THSD7B: variants seen among roughly 807,000 people sequenced by gnomAD.
THSD7B encodes thrombospondin type 1 domain containing 7B, also known as thrombospondin type-1 domain-containing protein 7B.
A neutral mutation model predicts 213.6 loss-of-function variants in THSD7B; 138 were observed. That is an observed-to-expected ratio of 0.65 (90% CI 0.56 to 0.74). The LOEUF is 0.74. Among genes scored for constraint, THSD7B ranks in the 30% least tolerant of loss-of-function variants. The pLI is 0.00. For synonymous variants in THSD7B, 742 were observed against 687.0 expected (o/e 1.08, Z -1.25); for missense variants, 1,931 against 1,991.5 (o/e 0.97, Z 0.58).
chr2:137,397,172 T>G (rs1334475976), intron 12 of THSD7B, among the ~76,000 whole-genome samples: 1 of 151,906 alleles, frequency 6.6e-6, no homozygotes, highest in African/African-American at 2.4e-5. Context: ...ACATTTAAAG[T>G]TAATATTGTT....
At chr2:137,637,670 T>G (rs990861948) in intron 20 of THSD7B, among the ~76,000 whole-genome samples, 1 of 152,254 alleles carries the variant, frequency 6.6e-6, no homozygotes, top group African/African-American at 2.4e-5. Context: ...CATTTTTTTC[T>G]TTTGCATTTA....
chr2:137,049,857 A>AT (rs1454764281), intron 2 of THSD7B, among the ~76,000 whole-genome samples: 3 of 152,184 alleles, frequency 2.0e-5, no homozygotes, highest in African/African-American at 4.8e-5. Context: ...TAATGCTGAG[A>AT]TTTTTTGGCC....
chr2:137,404,864 G>A (rs1573606178), intron 12 of THSD7B, among the ~76,000 whole-genome samples: 1 of 151,852 alleles, frequency 6.6e-6, no homozygotes, highest in Non-Finnish European at 1.5e-5. Flanking sequence ...GGGAACAGTG[G>A]GAGGGGGGTG....
chr2:136,970,044 A>G (rs771081871), intron 2 of THSD7B, among the ~76,000 whole-genome samples: 46 of 152,362 alleles, frequency 3.0e-4, no homozygotes, highest in Non-Finnish European at 6.2e-4. Flanking sequence ...AGGAGAAAAT[A>G]TTTTATCCAG....
At chr2:137,199,521 T>C (rs1680834985) in intron 7 of THSD7B, among the ~76,000 whole-genome samples, 1 of 152,186 alleles carries the variant, frequency 6.6e-6, no homozygotes, top group Admixed American at 6.6e-5. Context: ...AATACAGATA[T>C]ATTAGCTAAT....
chr2:137,357,331 G>A (rs911204700), intron 12 of THSD7B, among the ~76,000 whole-genome samples: 9 of 151,962 alleles, frequency 5.9e-5, no homozygotes, highest in Non-Finnish European at 1.2e-4. Flanking sequence ...GAAATATGGG[G>A]GTCTTAGGTT....
At position 137,531,169 on chromosome 2, in the gene THSD7B, C is replaced by T. The variant is rs552498660; in HGVS notation, c.3139-32052C>T. The stretch of plus-strand genomic sequence containing the variant: ...TGTATTCTAAAGCAGTAAAAGTTGG[C>T]CTTGTAAGGCACACACGCTGCTTCC... On this transcript the variant is annotated intron_variant, in intron 15 of 27. Coordinates refer to ENST00000409968, the MANE Select transcript of THSD7B (RefSeq NM_001316349.2). Among the ~76,000 whole-genome samples, 10 of 152,028 alleles carry T rather than the reference C, an allele frequency of 6.6e-5. No homozygotes were observed. In the East Asian group the frequency reaches 1.8e-3, roughly 27 times the overall value.
At chr2:136,773,873 C>A (rs1056221654) in intron 1 of THSD7B, among the ~76,000 whole-genome samples, 1 of 151,300 alleles carries the variant, frequency 6.6e-6, no homozygotes, top group African/African-American at 2.4e-5. Context: ...CTTTAGATAC[C>A]GGCATGGATA....
chr2:136,802,649 A>ATATATATG (rs1682208502), intron 1 of THSD7B, among the ~76,000 whole-genome samples: 1 of 78,382 alleles, frequency 1.3e-5, no homozygotes, highest in Non-Finnish European at 2.4e-5. Context: ...TTATATATAT[A>ATATATATG]TATATATATA....
intron 5 of THSD7B, among the ~76,000 whole-genome samples, chr2:137,154,882 A>G (rs36123244): frequency 0.046 from 7,044 of 152,284 alleles, 203 homozygotes; most frequent in Admixed American, 0.07. Flanking sequence ...CATTAAACAT[A>G]TCCCCTACCC....
At chr2:137,402,534 A>G (rs1193892892) in intron 12 of THSD7B, among the ~76,000 whole-genome samples, 1 of 152,102 alleles carries the variant, frequency 6.6e-6, no homozygotes, top group African/African-American at 2.4e-5. Flanking sequence ...ATTTATATAC[A>G]TCAAGCACAG....
chr2:137,465,777 G>A (rs556601918), intron 15 of THSD7B, among the ~76,000 whole-genome samples: 23 of 152,148 alleles, frequency 1.5e-4, no homozygotes, highest in East Asian at 9.7e-4. Flanking sequence ...TAATATTGCC[G>A]TCTGACAATG....
chr2:136,817,095 C>T (rs919267208), intron 1 of THSD7B, among the ~76,000 whole-genome samples: 4 of 151,998 alleles, frequency 2.6e-5, no homozygotes, highest in East Asian at 1.9e-4. Flanking sequence ...TTACCTGAGC[C>T]GAAAAACAAT....
chr2:137,137,498 C>T lies in THSD7B; in HGVS notation c.1369+22205C>T, dbSNP rs375060726. On this transcript the variant is annotated intron_variant, in intron 5 of 27. Coordinates refer to ENST00000409968, the MANE Select transcript of THSD7B (RefSeq NM_001316349.2). ...ACTTTCTGCTAAACTTATGCTTAGA[C>T]GTGTTTAGATACATGAGTACTTACT... Among the ~76,000 whole-genome samples, 76 of 152,248 alleles carry T rather than the reference C, an allele frequency of 5.0e-4. 2 individuals carry two copies. In the South Asian group the frequency reaches 0.014, roughly 27 times the overall value.
At chr2:137,138,582 G>A (rs980741136) in intron 5 of THSD7B, among the ~76,000 whole-genome samples, 2 of 152,128 alleles carry the variant, frequency 1.3e-5, no homozygotes, top group Non-Finnish European at 2.9e-5. Flanking sequence ...TTTCCATCCA[G>A]AATAATAATG....
intron 20 of THSD7B, among the ~76,000 whole-genome samples, chr2:137,623,031 A>G (rs1682551420): frequency 6.6e-6 from 1 of 152,178 alleles, no homozygotes; most frequent in Non-Finnish European, 1.5e-5. Context: ...ACAAAAAAAG[A>G]GAATTTTAGA....
chr2:137,271,681 T>C (rs953369009), intron 10 of THSD7B, among the ~76,000 whole-genome samples: 1 of 151,700 alleles, frequency 6.6e-6, no homozygotes, highest in African/African-American at 2.4e-5. Context: ...TTCTAACTAG[T>C]CGTATATATG....
intron 1 of THSD7B, among the ~76,000 whole-genome samples, chr2:136,783,007 A>G (rs1412411129): frequency 3.3e-5 from 5 of 152,224 alleles, no homozygotes; most frequent in African/African-American, 9.7e-5. Context: ...CAGAGCAAAC[A>G]TCCAGGCAGA....
intron 1 of THSD7B, among the ~76,000 whole-genome samples, chr2:136,832,255 A>T (rs557834788): frequency 6.6e-6 from 1 of 151,608 alleles, no homozygotes; most frequent in African/African-American, 2.4e-5. Context: ...TCACACAGTT[A>T]TGGAGGATGA....
Sources: gnomAD v4.1 joint callset for allele counts (sites outside exome capture counted in the v4.1 genomes callset) on GRCh38, gnomAD v4.1.1 for gene constraint, MANE v1.5 for transcripts, NCBI Gene and HGNC (gene_info 2026-07-23, HGNC 2026-07-21) for gene names.